PARVB: variants seen among roughly 807,000 people sequenced by gnomAD.
The protein encoded by PARVB is parvin beta.
Under a neutral mutation model 47.0 loss-of-function variants are expected in PARVB, and 46 were observed. The observed-to-expected ratio is 0.98, with a 90% CI of 0.77 to 1.25. The LOEUF (loss-of-function observed/expected upper bound fraction) is 1.25. Ranked by LOEUF, PARVB falls within the 50% of genes most tolerant of loss-of-function variation. The probability of loss-of-function intolerance (pLI) is 0.00; values close to 1 mark genes in which losing one functional copy is unlikely to be tolerated. For missense variants in PARVB, 473 were observed against 471.6 expected, an observed-to-expected ratio of 1.00 and a Z score of -0.03; for synonymous variants, 196 against 196.3, an observed-to-expected ratio of 1.00 and a Z score of 0.01.
rs561668755 is a variant in PARVB at position 44,119,815 on chromosome 22, G to C, written c.376+675G>C. 14 of 532,840 alleles carry C rather than the reference G, an allele frequency of 2.6e-5. 1 individual carries two copies. Among genetic ancestry groups the C allele is most frequent in the Middle Eastern group, 3.7e-4 (1 of 2,704 alleles). 33.0% of individuals were successfully genotyped at this position (532,840 alleles called of 1,614,324 possible). A position where few individuals can be genotyped will look rare whatever the true frequency, so the allele number is the denominator to read the frequency against. Reference sequence around the variant, plus strand: ...TACTGTTCAGATTGCTTGTGATGAGGGCCTTCGGAGATGCCGCAGGTTCTG... The same window carrying C: ...TACTGTTCAGATTGCTTGTGATGAGCGCCTTCGGAGATGCCGCAGGTTCTG... On this transcript the variant is annotated intron_variant, in intron 4 of 12. Coordinates refer to ENST00000338758, the MANE Select transcript of PARVB (RefSeq NM_013327.5).
At chr22:44,028,617 G>T (rs998355896) in intron 1 of PARVB, among the ~76,000 whole-genome samples, 2 of 152,212 alleles carry the variant, frequency 1.3e-5, no homozygotes, top group African/African-American at 2.4e-5. Context: ...GTACATCTAC[G>T]TGTAGGTTTT....
chr22:44,121,711 C>T (rs888291894), intron 4 of PARVB, among the ~76,000 whole-genome samples: 9 of 152,128 alleles, frequency 5.9e-5, no homozygotes, highest in Non-Finnish European at 8.8e-5. Context: ...CTCTTTAAGC[C>T]AAAAGAGGTA....
chr22:44,077,965 T>C (rs2051815616), intron 1 of PARVB, among the ~76,000 whole-genome samples: 1 of 152,126 alleles, frequency 6.6e-6, no homozygotes, highest in Non-Finnish European at 1.5e-5. Context: ...CCCGAAGTGC[T>C]GGGATTGTAG....
At chr22:44,075,668 A>G (rs561177826) in intron 1 of PARVB, among the ~76,000 whole-genome samples, 3 of 152,332 alleles carry the variant, frequency 2.0e-5, no homozygotes, top group East Asian at 1.9e-4. Flanking sequence ...CCTGCCCCAC[A>G]GGGTCGTGCA....
chr22:44,039,604 C>T (rs1346451863), intron 1 of PARVB, among the ~76,000 whole-genome samples: 1 of 151,510 alleles, frequency 6.6e-6, no homozygotes, highest in African/African-American at 2.4e-5. Context: ...ATGTTCATAG[C>T]AGCTTCATTC....
At chr22:44,156,813 C>A (rs1282828247) in intron 10 of PARVB, among the ~76,000 whole-genome samples, 1 of 151,720 alleles carries the variant, frequency 6.6e-6, no homozygotes, top group African/African-American at 2.4e-5. Context: ...CGTGAGATAC[C>A]CAGAGGAGTC....
chr22:44,117,423 G>A (rs2052933867), intron 3 of PARVB, among the ~76,000 whole-genome samples: 1 of 151,952 alleles, frequency 6.6e-6, no homozygotes, highest in African/African-American at 2.4e-5. Flanking sequence ...AACTGAGGGG[G>A]TTCGGGTGCA....
At chr22:44,067,968 G>A (rs1200664952) in intron 1 of PARVB, among the ~76,000 whole-genome samples, 1 of 152,260 alleles carries the variant, frequency 6.6e-6, no homozygotes, top group Middle Eastern at 3.4e-3. Context: ...TCCTGGCCTC[G>A]AATGGGAGAG....
chr22:44,066,669 C>A (rs1007597054), intron 1 of PARVB, among the ~76,000 whole-genome samples: 1 of 152,148 alleles, frequency 6.6e-6, no homozygotes, highest in Non-Finnish European at 1.5e-5. Flanking sequence ...CACTCACTGC[C>A]TCCGTTTCCT....
chr22:44,082,476 G>A (rs2051925698), intron 1 of PARVB, among the ~76,000 whole-genome samples: 2 of 152,138 alleles, frequency 1.3e-5, no homozygotes, highest in Admixed American at 1.3e-4. Flanking sequence ...CCAAGATCGA[G>A]CCACTGCACT....
intron 1 of PARVB, among the ~76,000 whole-genome samples, chr22:44,082,434 G>A (rs545920772): frequency 1.6e-4 from 24 of 152,058 alleles, no homozygotes; most frequent in Admixed American, 1.4e-3. Context: ...CAGGAGAATC[G>A]CTTGAATCTG....
At chr22:44,162,409 C>T (rs368649913) in intron 11 of PARVB, among the ~76,000 whole-genome samples, 2 of 152,208 alleles carry the variant, frequency 1.3e-5, no homozygotes, top group African/African-American at 4.8e-5. Flanking sequence ...GCAACCTCCG[C>T]CTCCTGGGTT....
chr22:44,071,694 G>A (rs1167681148), intron 1 of PARVB, among the ~76,000 whole-genome samples: 2 of 152,170 alleles, frequency 1.3e-5, no homozygotes, highest in African/African-American at 4.8e-5. Flanking sequence ...TTGAGGACCT[G>A]GAAGTCATGA....
At position 44,139,955 on chromosome 22, in the gene PARVB, A is replaced by C. The variant is rs570709926; in HGVS notation, c.693-169A>C. ...AGCACCTCTCGTTTATAATTAGAGC[A>C]GGCTGGAACACAGCACCATGTGACT... On this transcript the variant is annotated intron_variant, in intron 7 of 12. Coordinates refer to ENST00000338758, the MANE Select transcript of PARVB (RefSeq NM_013327.5). 44 of 458,486 alleles carry C rather than the reference A, an allele frequency of 9.6e-5. No individual in the cohort carries two copies. In the East Asian group the frequency reaches 1.5e-3, roughly 16 times the overall value. The allele number at this position is 458,486 out of a possible 1,614,324, so 28.4% of individuals were successfully genotyped here.
At chr22:44,137,055 C>T (rs1457932467) in intron 7 of PARVB, among the ~76,000 whole-genome samples, 1 of 152,220 alleles carries the variant, frequency 6.6e-6, no homozygotes, top group African/African-American at 2.4e-5. Flanking sequence ...CTTGTGATAA[C>T]CTGCTAAGAA....
At chr22:44,012,023 T>G (rs967035507) in intron 2 of PARVB, among the ~76,000 whole-genome samples, 5 of 152,244 alleles carry the variant, frequency 3.3e-5, no homozygotes, top group African/African-American at 1.2e-4. Flanking sequence ...CCCACCCACC[T>G]AAGAGGTCCT....
intron 1 of PARVB, among the ~76,000 whole-genome samples, chr22:44,051,381 A>G (rs1025322862): frequency 9.9e-5 from 15 of 152,084 alleles, no homozygotes; most frequent in Admixed American, 5.9e-4. Context: ...CATTGTAGAT[A>G]GCCTGTGACT....
At chr22:44,013,514 A>T (rs773206558) in intron 2 of PARVB, among the ~76,000 whole-genome samples, 1 of 152,224 alleles carries the variant, frequency 6.6e-6, no homozygotes, top group African/African-American at 2.4e-5. Flanking sequence ...CGAAGCCACT[A>T]TCAACACAGA....
chr22:44,149,236 A>G (rs2053751083), intron 9 of PARVB: 1 of 152,028 alleles, frequency 6.6e-6, no homozygotes, highest in East Asian at 1.9e-4. Context: ...GTGGCCTGAG[A>G]TTGCTTTCAT....
Sources: gnomAD v4.1 joint callset for allele counts (sites outside exome capture counted in the v4.1 genomes callset) on GRCh38, gnomAD v4.1.1 for gene constraint, MANE v1.5 for transcripts, NCBI Gene and HGNC (gene_info 2026-07-23, HGNC 2026-07-21) for gene names.